The following EGFLAM variants were observed in gnomAD, a reference collection of about 807,000 sequenced individuals.
The protein encoded by EGFLAM is pikachurin.
EGFLAM carries 79 observed loss-of-function variants against 113.1 expected under a neutral mutation model. That is an observed-to-expected ratio of 0.70 (90% CI 0.58 to 0.84). The LOEUF is 0.84. Among genes scored for constraint, EGFLAM ranks in the 40% least tolerant of loss-of-function variants. EGFLAM has a pLI of 0.00. For missense variants in EGFLAM, 1,265 were observed against 1,291.6 expected, an observed-to-expected ratio of 0.98 and a Z score of 0.32; for synonymous variants, 504 against 487.6, an observed-to-expected ratio of 1.03 and a Z score of -0.44.
At chr5:38,317,132 C>T (rs1463313656) in intron 1 of EGFLAM, among the ~76,000 whole-genome samples, 1 of 152,018 alleles carries the variant, frequency 6.6e-6, no homozygotes, top group African/African-American at 2.4e-5. Context: ...TTGAACATGT[C>T]AAAAAAATAT....
intron 1 of EGFLAM, 134 bp downstream of exon 1, chr5:38,258,985 A>G: frequency 2.0e-6 from 2 of 992,964 alleles, no homozygotes; most frequent in South Asian, 1.7e-5. Context: ...CAGCTCTGCC[A>G]GGAGCTGAGA....
At chr5:38,383,341 A>G (rs1164458486) in intron 6 of EGFLAM, among the ~76,000 whole-genome samples, 2 of 152,234 alleles carry the variant, frequency 1.3e-5, no homozygotes, top group Non-Finnish European at 2.9e-5. Context: ...AAGCTGGCAA[A>G]TTCAGAAAGA....
At position 38,445,483 on chromosome 5, in the gene EGFLAM, G is replaced by A. The variant is rs934775916; in HGVS notation, c.2465-2818G>A. ...AGGCGGGTGGCTGGGTGCCAATCAT[G>A]CTGAGGAGAGATTTCCAGTGGTTCC... On this transcript the variant is annotated intron_variant, in intron 17 of 21. Transcript: ENST00000322350. 10 of 1,461,676 alleles carry A rather than the reference G, an allele frequency of 6.8e-6. No homozygotes were observed. The African/African-American group carries it at 1.1e-4, about 16-fold the overall frequency. 90.5% of individuals were successfully genotyped at this position (1,461,676 alleles called of 1,614,324 possible). A position where few individuals can be genotyped will look rare whatever the true frequency, so the allele number is the denominator to read the frequency against.
intron 17 of EGFLAM, among the ~76,000 whole-genome samples, chr5:38,446,378 C>T (rs1742713241): frequency 6.6e-6 from 1 of 152,070 alleles, no homozygotes; most frequent in African/African-American, 2.4e-5. Flanking sequence ...GGTTGTCTTC[C>T]TCGGCACTTT....
chr5:38,401,766 C>A (rs1226170789), intron 6 of EGFLAM: 1 of 152,196 alleles, frequency 6.6e-6, no homozygotes, highest in Non-Finnish European at 1.5e-5. Context: ...GATTTACAAT[C>A]GAGTTGGTAA....
intron 5 of EGFLAM, among the ~76,000 whole-genome samples, chr5:38,362,065 C>T (rs1441963866): frequency 6.6e-5 from 10 of 152,252 alleles, no homozygotes; most frequent in East Asian, 5.8e-4. Context: ...CATCTGACCT[C>T]ACCCACTACA....
At chr5:38,405,561 A>C (rs773406997) in intron 6 of EGFLAM, among the ~76,000 whole-genome samples, 1 of 152,206 alleles carries the variant, frequency 6.6e-6, no homozygotes, top group African/African-American at 2.4e-5. Flanking sequence ...TAGATATACT[A>C]TAAATAATTT....
intron 1 of EGFLAM, among the ~76,000 whole-genome samples, chr5:38,276,794 C>T (rs1162032552): frequency 6.6e-6 from 1 of 152,086 alleles, no homozygotes; most frequent in African/African-American, 2.4e-5. Flanking sequence ...AATAATTATA[C>T]ACCAACAAAT....
chr5:38,265,737 A>C (rs1232739934), intron 1 of EGFLAM, among the ~76,000 whole-genome samples: 3 of 152,234 alleles, frequency 2.0e-5, no homozygotes, highest in Non-Finnish European at 4.4e-5. Flanking sequence ...AATTTCTGCC[A>C]GCAGAGGGCG....
chr5:38,331,053 A>G (rs1739027312), intron 1 of EGFLAM, among the ~76,000 whole-genome samples: 1 of 152,240 alleles, frequency 6.6e-6, no homozygotes, highest in South Asian at 2.1e-4. Flanking sequence ...AAAAGATGCT[A>G]AAATATTTAA....
intron 1 of EGFLAM, among the ~76,000 whole-genome samples, chr5:38,287,515 G>C (rs1419854285): frequency 6.6e-6 from 1 of 152,180 alleles, no homozygotes; most frequent in East Asian, 1.9e-4. Flanking sequence ...GGGACCACAG[G>C]TGTGCACCAC....
chr5:38,427,403 C>A, intron 14 of EGFLAM, 151 bp downstream of exon 14: 1 of 1,336,076 alleles, frequency 7.5e-7, no homozygotes, highest in Non-Finnish European at 1.0e-6. Flanking sequence ...TGTCCTGCTT[C>A]AGGCAGATGA....
intron 20 of EGFLAM, among the ~76,000 whole-genome samples, chr5:38,458,959 T>TG (rs1743181159): frequency 6.7e-6 from 1 of 149,772 alleles, no homozygotes; most frequent in East Asian, 2.0e-4. Context: ...GGTGACAGAG[T>TG]GAGACCCCAT....
intron 11 of EGFLAM, among the ~76,000 whole-genome samples, chr5:38,417,275 G>A (rs1224786368): frequency 1.3e-5 from 2 of 150,990 alleles, no homozygotes; most frequent in Non-Finnish European, 2.9e-5. Flanking sequence ...TTGAACCTGG[G>A]AGGCGGAGGT....
At chr5:38,451,169 G>T in intron 18 of EGFLAM, 146 bp from the exon 19 acceptor site, 1 of 1,078,486 alleles carries the variant, frequency 9.3e-7, no homozygotes, top group South Asian at 1.5e-5. Context: ...TAGACCCGTG[G>T]TGCGACTCGT....
intron 6 of EGFLAM, among the ~76,000 whole-genome samples, chr5:38,382,635 C>T (rs999628219): frequency 2.6e-5 from 4 of 152,174 alleles, no homozygotes; most frequent in Non-Finnish European, 5.9e-5. Context: ...AACCAATAGC[C>T]TATGTTGCAC....
chr5:38,342,570 CT>C (rs2111961049), intron 3 of EGFLAM, among the ~76,000 whole-genome samples: 1 of 152,216 alleles, frequency 6.6e-6, no homozygotes, highest in East Asian at 1.9e-4. Context: ...GATAATCTGC[CT>C]TATAGTAGCT....
intron 12 of EGFLAM, among the ~76,000 whole-genome samples, chr5:38,422,566 T>C (rs1318944920): frequency 1.3e-5 from 2 of 152,204 alleles, no homozygotes; most frequent in East Asian, 3.8e-4. Flanking sequence ...AACAATTATA[T>C]TGAAACCCAG....
intron 9 of EGFLAM, among the ~76,000 whole-genome samples, chr5:38,408,545 A>C (rs1741367906): frequency 6.6e-6 from 1 of 152,232 alleles, no homozygotes; most frequent in South Asian, 2.1e-4. Context: ...CCACCAGCAC[A>C]GCTTTTGGCT....
Sources: allele counts gnomAD v4.1 joint callset (sites outside exome capture counted in the v4.1 genomes callset), GRCh38; gene constraint gnomAD v4.1.1; transcripts MANE v1.5; gene names NCBI Gene and HGNC (gene_info 2026-07-23, HGNC 2026-07-21).